The following MAN1C1 variants were observed in gnomAD, a reference collection of about 807,000 sequenced individuals.
The protein encoded by MAN1C1 is mannosidase alpha class 1C member 1.
In MAN1C1, 49 loss-of-function variants were observed where a neutral mutation model predicts 71.5. The observed-to-expected ratio is 0.69, with a 90% CI of 0.54 to 0.87. The LOEUF is 0.87. MAN1C1 is among the 40% of genes least tolerant of loss of function. The pLI is 0.00. For missense variants in MAN1C1, 743 were observed against 835.0 expected (o/e 0.89, Z 1.36); for synonymous variants, 352 against 343.7 (o/e 1.02, Z -0.27).
At chr1:25,636,063 G>A (rs1019401351) in intron 1 of MAN1C1, among the ~76,000 whole-genome samples, 26 of 152,172 alleles carry the variant, frequency 1.7e-4, no homozygotes, top group Non-Finnish European at 2.8e-4. Context: ...GGGGGTGTAC[G>A]AACAGGGAGT....
At chr1:25,662,978 G>A (rs1238484226) in intron 1 of MAN1C1, among the ~76,000 whole-genome samples, 1 of 151,526 alleles carries the variant, frequency 6.6e-6, no homozygotes, top group Non-Finnish European at 1.5e-5. Context: ...AGAATTGCTT[G>A]AACCTGGGAG....
Position 25,691,082 on chromosome 1 carries a change from C to T in MAN1C1, c.637+4546C>T, listed in dbSNP as rs557347740. Among the ~76,000 whole-genome samples, 34 of 152,236 alleles carry T rather than the reference C, an allele frequency of 2.2e-4. No individual in the cohort carries two copies. The South Asian group carries it at 4.1e-3, about 19-fold the overall frequency. On this transcript the variant is annotated intron_variant, in intron 2 of 11. Coordinates refer to ENST00000374332, the MANE Select transcript of MAN1C1 (RefSeq NM_020379.4). ...CCGTAGTCCCAGCACTGTGGGAGGC[C>T]GAGGCGGGTGGATCACTTGAGGTCA...
chr1:25,618,374 C>T, intron 1 of MAN1C1, 37 bp downstream of exon 1: 3 of 1,567,820 alleles, frequency 1.9e-6, no homozygotes, highest in Admixed American at 1.9e-5. Context: ...CCACCAACTG[C>T]CCCCTCTAAG....
rs1161104211 is a variant in MAN1C1, at chr1:25,634,853, T to C, written c.540+16516T>C. 1.3e-5 allele frequency among the ~76,000 whole-genome samples: 2 copies of C among 151,784 alleles called. No individual in the cohort carries two copies. The highest frequency in any genetic ancestry group is 2.9e-5 in the Non-Finnish European group (2 of 67,954). On this transcript the variant is annotated intron_variant, in intron 1 of 11. Coordinates refer to ENST00000374332, the MANE Select transcript of MAN1C1 (RefSeq NM_020379.4). The surrounding 1 kb of genome is among the most constrained non-coding windows in gnomAD (Gnocchi z 4.6). ...ATAATAATAAAATAAAATAAAAGAATGCTAAATCAAACTTGCATTTGATCT... is the reference window on the plus strand; with the variant it reads ...ATAATAATAAAATAAAATAAAAGAACGCTAAATCAAACTTGCATTTGATCT...
chr1:25,630,268 T>G (rs1380902249), intron 1 of MAN1C1, among the ~76,000 whole-genome samples: 1 of 152,218 alleles, frequency 6.6e-6, no homozygotes, highest in Non-Finnish European at 1.5e-5. Flanking sequence ...GTGCCTACTT[T>G]TATATCAGTA....
chr1:25,780,489 A>G lies in MAN1C1; in HGVS notation c.1478-451A>G, dbSNP rs564186039. 2.6e-5 allele frequency among the ~76,000 whole-genome samples: 4 copies of G among 152,340 alleles called. No homozygotes were observed. The East Asian group carries it at 7.7e-4, about 29-fold the overall frequency. On this transcript the variant is annotated intron_variant, in intron 9 of 11. Transcript: ENST00000374332. ...GTCCCAAGGAGAAGCCTCATTTCAC[A>G]TTAGCATATTAAAGGATCTGATAAA...
At chr1:25,713,454 C>T (rs2046640077) in intron 2 of MAN1C1, among the ~76,000 whole-genome samples, 1 of 152,172 alleles carries the variant, frequency 6.6e-6, no homozygotes, top group Non-Finnish European at 1.5e-5. Context: ...CAGGCAGAGA[C>T]CTACTTTCTA....
At chr1:25,677,306 G>C (rs1260994509) in intron 1 of MAN1C1, among the ~76,000 whole-genome samples, 6 of 152,066 alleles carry the variant, frequency 3.9e-5, no homozygotes, top group East Asian at 1.9e-4. Context: ...TGAAGGGAAG[G>C]CTTTGTGGTC....
chr1:25,743,756 G>T (rs572858488), intron 2 of MAN1C1, among the ~76,000 whole-genome samples: 1 of 152,214 alleles, frequency 6.6e-6, no homozygotes, highest in Non-Finnish European at 1.5e-5. Flanking sequence ...GAAGAAGGGC[G>T]CATGGGGTGA....
chr1:25,780,968 G>C lies in MAN1C1; in HGVS notation c.1506G>C (p.Trp502Cys). ...CCAAACTTGGGCCTGAGGCCTTCTG[G>C]TTTAACTCCGGCAGAGAGGCCGTGG... is the stretch of plus-strand genomic sequence containing the variant. ...SDTKLGPEAF[W>C]FNSGREAVAT... is the part of the protein sequence containing the mutation. Residue 502 changes from tryptophan (W) to cysteine (C), a missense_variant, in exon 10 of 12, where the codon TGG (tryptophan) becomes TGC (cysteine). Coordinates refer to ENST00000374332, the MANE Select transcript of MAN1C1 (RefSeq NM_020379.4). 6.2e-7 allele frequency: 1 copy of C among 1,614,168 alleles called. No individual in the cohort carries two copies. Among genetic ancestry groups the C allele is most frequent in the Non-Finnish European group, 8.5e-7 (1 of 1,180,016 alleles).
chr1:25,679,537 A>G (rs776040660), intron 1 of MAN1C1, among the ~76,000 whole-genome samples: 1 of 149,896 alleles, frequency 6.7e-6, no homozygotes, highest in Non-Finnish European at 1.5e-5. Flanking sequence ...AACAGCCTCC[A>G]GTAAAATTTC....
At chr1:25,658,249 CAG>C (rs1295944784) in intron 1 of MAN1C1, among the ~76,000 whole-genome samples, 18 of 152,212 alleles carry the variant, frequency 1.2e-4, no homozygotes, top group Non-Finnish European at 5.9e-5. Context: ...ACAGCGTGCC[CAG>C]AGTTACACAG....
chr1:25,688,449 G>C lies in MAN1C1; in HGVS notation c.637+1913G>C, dbSNP rs145843579. ...AAATATTCAGGGAATTGGTGGTGGG[G>C]TGGGAGGGGCTGATGATTCCTGAAA... On this transcript the variant is annotated intron_variant, in intron 2 of 11. Coordinates refer to ENST00000374332, the MANE Select transcript of MAN1C1 (RefSeq NM_020379.4). 7.5e-3 allele frequency among the ~76,000 whole-genome samples: 1,147 copies of C among 152,318 alleles called. 7 individuals carry two copies. Among genetic ancestry groups the C allele is most frequent in the Middle Eastern group, 0.017 (5 of 294 alleles).
intron 10 of MAN1C1, 108 bp downstream of exon 10, chr1:25,781,220 T>C (rs528732097): frequency 3.4e-5 from 41 of 1,209,890 alleles, no homozygotes; most frequent in African/African-American, 1.5e-5. Flanking sequence ...CCAAGCCACG[T>C]TGACCTCTGA....
At chr1:25,763,817 G>A in intron 6 of MAN1C1, 57 bp from the exon 7 acceptor site, 1 of 1,401,492 alleles carries the variant, frequency 7.1e-7, no homozygotes, top group East Asian at 2.3e-5. Context: ...CAGCAGGCTG[G>A]GTGCAGTCGG....
At chr1:25,669,146 G>A (rs1470087024) in intron 1 of MAN1C1, among the ~76,000 whole-genome samples, 1 of 152,190 alleles carries the variant, frequency 6.6e-6, no homozygotes, top group Non-Finnish European at 1.5e-5. Flanking sequence ...GGCAAGGTCT[G>A]TTTTGCCCAC....
chr1:25,762,232 T>G (rs2047371208), intron 6 of MAN1C1, among the ~76,000 whole-genome samples: 1 of 148,164 alleles, frequency 6.7e-6, no homozygotes, highest in African/African-American at 2.5e-5. Flanking sequence ...ACTTAAACAA[T>G]CCTCCCACCT....
intron 1 of MAN1C1, among the ~76,000 whole-genome samples, chr1:25,621,161 G>T (rs2045201990): frequency 6.6e-6 from 1 of 152,210 alleles, no homozygotes; most frequent in Non-Finnish European, 1.5e-5. Flanking sequence ...TGGCAGTCTG[G>T]TCAGGGACTC....
intron 2 of MAN1C1, among the ~76,000 whole-genome samples, chr1:25,717,362 AT>A (rs1345500766): frequency 6.6e-6 from 1 of 151,850 alleles, no homozygotes; most frequent in African/African-American, 2.4e-5. Flanking sequence ...AAAAGAAAAA[AT>A]TATATATATA....
Sources: gnomAD v4.1 joint callset for allele counts (sites outside exome capture counted in the v4.1 genomes callset) on GRCh38, gnomAD v4.1.1 for gene constraint, Gnocchi (gnomAD v3.1) non-coding constraint, MANE v1.5 for transcripts, NCBI Gene and HGNC (gene_info 2026-07-23, HGNC 2026-07-21) for gene names.